Variants in HAPSTR1 observed in about 807,000 individuals in gnomAD.
HAPSTR1 encodes the protein HUWE1-associated protein modifying stress responses 1.
chr16:9,098,607 G>C, the HAPSTR1 span, among the ~76,000 whole-genome samples: 1 of 152,262 alleles, frequency 6.6e-6, no homozygotes, highest in South Asian at 2.1e-4. Flanking sequence ...GAGATCTTGA[G>C]GCTAGGAGTT....
chr16:9,111,449 A>G, the HAPSTR1 span: 3 of 152,360 alleles, frequency 2.0e-5, no homozygotes, highest in East Asian at 5.8e-4. Flanking sequence ...AGCCCCTGAA[A>G]AGAACAATTA....
At chr16:9,109,006 C>T in the HAPSTR1 span, 2 of 152,290 alleles carry the variant, frequency 1.3e-5, no homozygotes, top group South Asian at 2.1e-4. Context: ...TCTCAAGGCC[C>T]AGTGGCTTTT....
the HAPSTR1 span, chr16:9,121,607 ACATAGAAAAATAAAT>A: frequency 6.6e-6 from 1 of 152,364 alleles, no homozygotes; most frequent in South Asian, 2.1e-4. Context: ...TAAATAGAAA[ACATAGAAAAATAAAT>A]TAAAAAATGT....
the HAPSTR1 span, chr16:9,103,146 C>T: frequency 3.2e-5 from 51 of 1,614,172 alleles, no homozygotes; most frequent in Non-Finnish European, 4.2e-5. Flanking sequence ...CCACGAAACT[C>T]TAGAGCTCCC....
At chr16:9,117,436 C>A in the HAPSTR1 span, 1 of 153,472 alleles carries the variant, frequency 6.5e-6, no homozygotes, top group East Asian at 1.9e-4. Context: ...GGACTGTGCC[C>A]TGTTTTTAGT....
the HAPSTR1 span, among the ~76,000 whole-genome samples, chr16:9,114,368 A>G: frequency 2.0e-5 from 3 of 152,138 alleles, no homozygotes; most frequent in Admixed American, 6.6e-5. Context: ...GAGAGTTTCA[A>G]TTTCAAGGAG....
chr16:9,114,759 T>G, the HAPSTR1 span, among the ~76,000 whole-genome samples: 1 of 152,122 alleles, frequency 6.6e-6, no homozygotes, highest in East Asian at 1.9e-4. Context: ...AGATTACACT[T>G]GGGTGGGAGT....
chr16:9,092,960 C>A, the HAPSTR1 span: 1 of 1,611,522 alleles, frequency 6.2e-7, no homozygotes, highest in Non-Finnish European at 8.5e-7. Flanking sequence ...CTCTGGGTCC[C>A]CTTCCAAAAC....
At chr16:9,092,852 C>A in the HAPSTR1 span, 151 of 1,400,714 alleles carry the variant, frequency 1.1e-4, no homozygotes, top group South Asian at 1.6e-3. Flanking sequence ...TTCTTGTTCT[C>A]TTTCTTTCTC....
At chr16:9,115,278 A>C in the HAPSTR1 span, among the ~76,000 whole-genome samples, 1,367 of 152,328 alleles carry the variant, frequency 9.0e-3, 20 homozygotes, top group African/African-American at 0.031. Flanking sequence ...TAGGGAGTTC[A>C]TGATTAGAAA....
the HAPSTR1 span, chr16:9,111,225 T>C: frequency 6.6e-6 from 1 of 152,270 alleles, no homozygotes; most frequent in Non-Finnish European, 1.5e-5. Flanking sequence ...GGAATGCTTG[T>C]TGAATGTTGC....
chr16:9,093,018 T>C, the HAPSTR1 span: 1 of 1,603,048 alleles, frequency 6.2e-7, no homozygotes, highest in Non-Finnish European at 8.5e-7. Context: ...ATAACCTTGC[T>C]GCATTGCCGA....
At chr16:9,111,198 A>T in the HAPSTR1 span, 6 of 152,258 alleles carry the variant, frequency 3.9e-5, no homozygotes, top group Admixed American at 3.9e-4. Context: ...GTGTGTGGGA[A>T]CACAGTAGAT....
the HAPSTR1 span, chr16:9,105,487 T>A: frequency 1.3e-5 from 2 of 152,180 alleles, no homozygotes; most frequent in Non-Finnish European, 2.9e-5. Context: ...AGGAGAATGG[T>A]AGTTTAATTT....
chr16:9,103,305 T>G, the HAPSTR1 span: 1 of 1,585,182 alleles, frequency 6.3e-7, no homozygotes, highest in Non-Finnish European at 8.6e-7. Context: ...GTTAAGAGGG[T>G]GCCTGTGGAC....
the HAPSTR1 span, among the ~76,000 whole-genome samples, chr16:9,094,492 T>C: frequency 6.6e-6 from 1 of 152,202 alleles, no homozygotes; most frequent in Non-Finnish European, 1.5e-5. Flanking sequence ...CTTTGATTTT[T>C]TTTTTTTAAG....
At chr16:9,103,537 A>G in the HAPSTR1 span, 3 of 338,860 alleles carry the variant, frequency 8.9e-6, no homozygotes, top group African/African-American at 6.4e-5. Context: ...ATCGCTTTAC[A>G]CTTATGTGTT....
the HAPSTR1 span, chr16:9,119,096 C>G: frequency 6.6e-6 from 1 of 152,570 alleles, no homozygotes; most frequent in Non-Finnish European, 1.5e-5. Context: ...TACTTTTTTC[C>G]ATTGCGTTTA....
At chr16:9,119,533 C>T in the HAPSTR1 span, 4 of 152,316 alleles carry the variant, frequency 2.6e-5, no homozygotes, top group African/African-American at 9.6e-5. Flanking sequence ...CTGCAGCGTT[C>T]TGAGCATGGC....
Sources: allele counts gnomAD v4.1 joint callset (sites outside exome capture counted in the v4.1 genomes callset), GRCh38; gene constraint gnomAD v4.1.1; transcripts MANE v1.5; gene names NCBI Gene and HGNC (gene_info 2026-07-23, HGNC 2026-07-21).